FANCC: variants seen among roughly 807,000 people sequenced by gnomAD.
FANCC encodes Fanconi anemia group C protein.
In FANCC, 55 loss-of-function variants were observed where a neutral mutation model predicts 71.3. The observed-to-expected ratio is 0.77, with a 90% CI of 0.62 to 0.97. The LOEUF (loss-of-function observed/expected upper bound fraction) is 0.97. Among genes scored for constraint, FANCC ranks in the 50% least tolerant of loss-of-function variants. The pLI is 0.00. For synonymous variants in FANCC, 275 were observed against 244.9 expected, an observed-to-expected ratio of 1.12 and a Z score of -1.15; for missense variants, 678 against 670.9, an observed-to-expected ratio of 1.01 and a Z score of -0.12.
At chr9:95,270,495 T>C (rs533165914) in intron 1 of FANCC, among the ~76,000 whole-genome samples, 1 of 152,374 alleles carries the variant, frequency 6.6e-6, no homozygotes, top group Non-Finnish European at 1.5e-5. Flanking sequence ...AAAAATAAGA[T>C]ACTTCAGAAA....
chr9:95,106,065 C>T (rs1013643513), intron 14 of FANCC, among the ~76,000 whole-genome samples: 5 of 152,194 alleles, frequency 3.3e-5, no homozygotes, highest in African/African-American at 4.8e-5. Flanking sequence ...AGTAGCTGCA[C>T]GACGTTAATG....
chr9:95,230,199 A>G (rs2135987060), intron 4 of FANCC, among the ~76,000 whole-genome samples: 1 of 152,310 alleles, frequency 6.6e-6, no homozygotes, highest in East Asian at 1.9e-4. Context: ...GTTCCAGCCT[A>G]GTGAAAGAGG....
chr9:95,183,630 AC>A (rs1826515603), intron 4 of FANCC, among the ~76,000 whole-genome samples: 1 of 152,182 alleles, frequency 6.6e-6, no homozygotes, highest in African/African-American at 2.4e-5. Flanking sequence ...AAAGATATTA[AC>A]TCATGTTGGT....
chr9:95,234,093 C>CA (rs1209419263), intron 4 of FANCC, among the ~76,000 whole-genome samples: 1 of 152,168 alleles, frequency 6.6e-6, no homozygotes, highest in Non-Finnish European at 1.5e-5. Context: ...GCAAAGAAGT[C>CA]AGAGATTAAA....
chr9:95,131,770 A>G (rs1012973017), intron 8 of FANCC, among the ~76,000 whole-genome samples: 1 of 152,172 alleles, frequency 6.6e-6, no homozygotes, highest in Non-Finnish European at 1.5e-5. Flanking sequence ...CAAACTGACA[A>G]TATCACCCAG....
At chr9:95,220,036 C>A (rs1258238344) in intron 4 of FANCC, among the ~76,000 whole-genome samples, 2 of 152,146 alleles carry the variant, frequency 1.3e-5, no homozygotes, top group Non-Finnish European at 2.9e-5. Flanking sequence ...AATCAAACAA[C>A]CCCATCAAAA....
chr9:95,107,614 T>C (rs1489121905), intron 13 of FANCC: 11 of 414,826 alleles, frequency 2.7e-5, no homozygotes, highest in South Asian at 7.3e-5. Flanking sequence ...AAGACTCGCC[T>C]ATCACAGCCA....
At chr9:95,169,507 C>T (rs762817519) in intron 6 of FANCC, among the ~76,000 whole-genome samples, 2 of 152,216 alleles carry the variant, frequency 1.3e-5, no homozygotes, top group Non-Finnish European at 2.9e-5. Context: ...CCTCAGTCTG[C>T]TTCCTAAAAA....
At chr9:95,134,255 C>T (rs1366815192) in intron 8 of FANCC, among the ~76,000 whole-genome samples, 1 of 152,146 alleles carries the variant, frequency 6.6e-6, no homozygotes, top group Admixed American at 6.5e-5. Context: ...CAGTCTCCAA[C>T]TAGAAAGAGA....
intron 1 of FANCC, among the ~76,000 whole-genome samples, chr9:95,279,787 A>C (rs1224496855): frequency 6.6e-6 from 1 of 152,030 alleles, no homozygotes; most frequent in African/African-American, 2.4e-5. Context: ...GTCTTTACTA[A>C]AAATACAAAA....
chr9:95,208,617 A>G (rs1378595822), intron 4 of FANCC, among the ~76,000 whole-genome samples: 3 of 152,200 alleles, frequency 2.0e-5, no homozygotes, highest in African/African-American at 7.2e-5. Flanking sequence ...AAGATATACA[A>G]ATGAAAAATA....
intron 4 of FANCC, among the ~76,000 whole-genome samples, chr9:95,219,155 G>A (rs1379230084): frequency 6.6e-6 from 1 of 152,216 alleles, no homozygotes; most frequent in Non-Finnish European, 1.5e-5. Context: ...GCAGAAGGTA[G>A]TGGCAAGTTC....
intron 3 of FANCC, among the ~76,000 whole-genome samples, chr9:95,244,678 C>CAAAAAAA (rs576605250): frequency 2.6e-4 from 11 of 41,572 alleles, no homozygotes; most frequent in African/African-American, 7.0e-4. Flanking sequence ...GACTTTGTCT[C>CAAAAAAA]AAAAAAAAAA....
At chr9:95,313,842 C>A (rs1272026912) in intron 1 of FANCC, among the ~76,000 whole-genome samples, 2 of 152,018 alleles carry the variant, frequency 1.3e-5, no homozygotes, top group Admixed American at 1.3e-4. Flanking sequence ...AGGAACAAAA[C>A]CACAGTCATC....
At chr9:95,198,560 T>G (rs1471862333) in intron 4 of FANCC, among the ~76,000 whole-genome samples, 2 of 152,168 alleles carry the variant, frequency 1.3e-5, no homozygotes, top group African/African-American at 4.8e-5. Flanking sequence ...TTTTGGAAAA[T>G]CACCTCCTGG....
intron 3 of FANCC, among the ~76,000 whole-genome samples, chr9:95,247,210 C>CGTGT (rs1554857732): frequency 8.1e-5 from 10 of 123,650 alleles, no homozygotes; most frequent in Admixed American, 6.0e-4. Context: ...GGTGCGTGCA[C>CGTGT]GCGTGTGTGT....
chr9:95,241,482 C>T (rs150256066), intron 3 of FANCC, among the ~76,000 whole-genome samples: 4 of 152,064 alleles, frequency 2.6e-5, no homozygotes, highest in East Asian at 1.9e-4. Context: ...TCTATTCCAG[C>T]GGATGATTTT....
intron 1 of FANCC, among the ~76,000 whole-genome samples, chr9:95,287,537 C>T (rs1200755425): frequency 1.3e-5 from 2 of 152,148 alleles, no homozygotes; most frequent in Non-Finnish European, 2.9e-5. Flanking sequence ...AAAGTTTACC[C>T]ACTCAAACTT....
At chr9:95,126,431 C>T (rs1200016429) in intron 9 of FANCC, 98 bp downstream of exon 9, 7 of 1,194,880 alleles carry the variant, frequency 5.9e-6, no homozygotes, top group Admixed American at 1.8e-5. Flanking sequence ...CTAATTTCCC[C>T]ATGATACAGC....
Sources: allele counts gnomAD v4.1 joint callset (sites outside exome capture counted in the v4.1 genomes callset), GRCh38; gene constraint gnomAD v4.1.1; transcripts MANE v1.5; gene names NCBI Gene and HGNC (gene_info 2026-07-23, HGNC 2026-07-21).